ELP3: variants seen among roughly 807,000 people sequenced by gnomAD.
ELP3 encodes the protein elongator complex protein 3.
Under a neutral mutation model 74.9 loss-of-function variants are expected in ELP3, and 56 were observed. That is an observed-to-expected ratio of 0.75 (90% CI 0.60 to 0.93). The LOEUF (loss-of-function observed/expected upper bound fraction) is 0.93, where lower values mean the gene tolerates loss of function less well. ELP3 is among the 40% of genes least tolerant of loss of function. The pLI is 0.00. For missense variants in ELP3, 573 were observed against 686.5 expected (o/e 0.83, Z 1.85); for synonymous variants, 222 against 239.8 (o/e 0.93, Z 0.68).
At position 28,135,560 on chromosome 8, in the gene ELP3, T is replaced by G. The variant is rs141634887; in HGVS notation, c.907-2138T>G. On this transcript the variant is annotated intron_variant, in intron 9 of 14. Transcript: ENST00000256398. ...TCAGCCTTGGTCTTCATCTAGACCT[T>G]CCTTTGTACCTGGAATCTCAGAGCG... Among the ~76,000 whole-genome samples the G allele has an allele frequency of 2.3e-3, 344 of 152,308 alleles. 4 individuals carry two copies. The highest frequency in any genetic ancestry group is 7.7e-3 in the African/African-American group (321 of 41,570).
chr8:28,161,399 C>A (rs1281066367), intron 13 of ELP3, among the ~76,000 whole-genome samples: 1 of 151,990 alleles, frequency 6.6e-6, no homozygotes, highest in East Asian at 1.9e-4. Flanking sequence ...CCTGGTGAAA[C>A]CCTGTCTCTA....
intron 14 of ELP3, among the ~76,000 whole-genome samples, chr8:28,171,933 G>A (rs1453520709): frequency 6.6e-6 from 1 of 152,098 alleles, no homozygotes; most frequent in African/African-American, 2.4e-5. Context: ...CCCATTGAAT[G>A]CTCTTGACAC....
intron 14 of ELP3, among the ~76,000 whole-genome samples, chr8:28,176,883 C>G (rs1814778954): frequency 1.3e-5 from 2 of 152,206 alleles, no homozygotes; most frequent in South Asian, 4.1e-4. Flanking sequence ...ATTTTTGAAT[C>G]AGTTGATTGT....
In ELP3 at chr8:28,189,953, T is replaced by C. The variant is rs1192977653; in HGVS notation, c.*228T>C. 1.3e-5 allele frequency: 6 copies of C among 460,286 alleles called. No homozygotes were observed. Among genetic ancestry groups the C allele is most frequent in the Non-Finnish European group, 1.2e-5 (3 of 257,438 alleles). 28.5% of individuals were successfully genotyped at this position (460,286 alleles called of 1,614,324 possible). ...CACCCCAAAAAATCACTTGCGTTTT[T>C]GAGGCTTAAATCATCTATCCAGTTT... On this transcript the variant is annotated 3_prime_UTR_variant, in exon 15 of 15. Transcript: ENST00000256398.
At position 28,165,793 on chromosome 8, in the gene ELP3, C is replaced by T. The variant is rs191791971; in HGVS notation, c.1567+3715C>T. The stretch of plus-strand genomic sequence containing the variant: ...TGATTTGAGTCACTATAGAAAGACT[C>T]TGGGTATTCTTTTTTCTGTATTTAA... On this transcript the variant is annotated intron_variant, in intron 14 of 14. Transcript: ENST00000256398. Among the ~76,000 whole-genome samples the T allele has an allele frequency of 1.1e-4, 16 of 152,254 alleles. No individual in the cohort carries two copies. In the East Asian group the frequency reaches 2.7e-3, roughly 26 times the overall value.
At chr8:28,175,119 C>G (rs78645342) in intron 14 of ELP3, among the ~76,000 whole-genome samples, 1,546 of 152,208 alleles carry the variant, frequency 0.01, 26 homozygotes, top group African/African-American at 0.035. Context: ...CATTGTGGAT[C>G]TCTTTGAGGC....
intron 14 of ELP3, among the ~76,000 whole-genome samples, chr8:28,177,369 C>T (rs1224512102): frequency 6.6e-6 from 1 of 152,152 alleles, no homozygotes; most frequent in African/African-American, 2.4e-5. Context: ...TATCGCCATC[C>T]TGGCAGGAGA....
chr8:28,100,434 A>G (rs1811430904), intron 3 of ELP3, among the ~76,000 whole-genome samples: 1 of 152,256 alleles, frequency 6.6e-6, no homozygotes, highest in Non-Finnish European at 1.5e-5. Context: ...CTTGACCCAT[A>G]AGCCAAGAAG....
At position 28,167,418 on chromosome 8, in the gene ELP3, G is replaced by A. The variant is rs351763; in HGVS notation, c.1567+5340G>A. Among the ~76,000 whole-genome samples, 718 of 152,260 alleles carry A rather than the reference G, an allele frequency of 4.7e-3. 5 individuals carry two copies. The highest frequency in any genetic ancestry group is 0.015 in the African/African-American group (603 of 41,536). ...ACAAATGGCTGAGATTTACTTATTC[G>A]ACCTTCACCTGTCTCTCAGGCTACT... On this transcript the variant is annotated intron_variant, in intron 14 of 14. Transcript: ENST00000256398.
intron 7 of ELP3, among the ~76,000 whole-genome samples, chr8:28,114,065 G>A (rs1322522296): frequency 6.6e-6 from 1 of 151,934 alleles, no homozygotes; most frequent in South Asian, 2.1e-4. Context: ...TCTTAAAATA[G>A]TTTTTGTTCT....
chr8:28,144,352 G>T (rs1337564411), intron 10 of ELP3, among the ~76,000 whole-genome samples: 1 of 152,190 alleles, frequency 6.6e-6, no homozygotes, highest in Non-Finnish European at 1.5e-5. Flanking sequence ...GCTCTCGTGT[G>T]TAATCCCAGC....
chr8:28,120,591 T>A (rs1022923919), intron 7 of ELP3, among the ~76,000 whole-genome samples: 2 of 152,216 alleles, frequency 1.3e-5, no homozygotes, highest in Non-Finnish European at 2.9e-5. Flanking sequence ...TGGTTATTGC[T>A]TTTCTGTATT....
At chr8:28,173,251 A>AT (rs1303700190) in intron 14 of ELP3, among the ~76,000 whole-genome samples, 2 of 151,870 alleles carry the variant, frequency 1.3e-5, no homozygotes, top group East Asian at 3.8e-4. Flanking sequence ...AAGTCGTCTG[A>AT]TTTTGGGCTT....
chr8:28,170,497 T>C (rs1053365590), intron 14 of ELP3, among the ~76,000 whole-genome samples: 7 of 152,214 alleles, frequency 4.6e-5, no homozygotes, highest in African/African-American at 1.7e-4. Flanking sequence ...CGTGAGGACA[T>C]GCCTCTCTGT....
chr8:28,098,395 T>C (rs1811342475), intron 2 of ELP3, among the ~76,000 whole-genome samples: 1 of 152,204 alleles, frequency 6.6e-6, no homozygotes. Context: ...AAATATTTGC[T>C]ACAGGAATAA....
chr8:28,106,354 A>C (rs1417455508), intron 3 of ELP3, among the ~76,000 whole-genome samples: 2 of 151,546 alleles, frequency 1.3e-5, no homozygotes, highest in East Asian at 3.9e-4. Flanking sequence ...TCCCGGCTAA[A>C]ACGGTGAAAC....
chr8:28,090,601 T>C (rs189278214), upstream of ELP3, among the ~76,000 whole-genome samples: 130 of 152,174 alleles, frequency 8.5e-4, 4 homozygotes, highest in East Asian at 7.3e-3. Flanking sequence ...TAAAGGTCGT[T>C]TACCCTTAAA....
chr8:28,182,611 C>G (rs988987350), intron 14 of ELP3, among the ~76,000 whole-genome samples: 3 of 151,446 alleles, frequency 2.0e-5, no homozygotes, highest in Non-Finnish European at 2.9e-5. Flanking sequence ...CCCACCCCCC[C>G]TTTTTTTTGG....
At chr8:28,101,709 C>A (rs1334326694) in intron 3 of ELP3, among the ~76,000 whole-genome samples, 2 of 152,044 alleles carry the variant, frequency 1.3e-5, no homozygotes, top group African/African-American at 4.8e-5. Flanking sequence ...TGTGCCTCAG[C>A]CTCCCAAGGA....
Sources: allele counts gnomAD v4.1 joint callset (sites outside exome capture counted in the v4.1 genomes callset), GRCh38; gene constraint gnomAD v4.1.1; transcripts MANE v1.5; gene names NCBI Gene and HGNC (gene_info 2026-07-23, HGNC 2026-07-21).